The following NEDD9 variants were observed in gnomAD, a reference collection of about 807,000 sequenced individuals.
NEDD9 encodes the protein enhancer of filamentation 1.
A neutral mutation model predicts 76.6 loss-of-function variants in NEDD9; 26 were observed. The observed-to-expected ratio is 0.34, with a 90% CI of 0.25 to 0.47. The LOEUF (loss-of-function observed/expected upper bound fraction) is 0.47, where lower values mean the gene tolerates loss of function less well. NEDD9 is among the 20% of genes least tolerant of loss of function. The pLI, the probability that NEDD9 is intolerant of heterozygous loss-of-function variation, is 1.00. For missense variants in NEDD9, 937 were observed against 1,058.5 expected (o/e 0.89, Z 1.59); for synonymous variants, 392 against 414.2 (o/e 0.95, Z 0.65).
At chr6:11,230,611 G>A (rs1759440034) in intron 1 of NEDD9, among the ~76,000 whole-genome samples, 1 of 152,144 alleles carries the variant, frequency 6.6e-6, no homozygotes, top group Non-Finnish European at 1.5e-5. Context: ...TATAAAAAAG[G>A]AAAGTGGATT....
chr6:11,331,815 G>C (rs78483092), intron 2 of NEDD9, among the ~76,000 whole-genome samples: 1 of 152,176 alleles, frequency 6.6e-6, no homozygotes, highest in African/African-American at 2.4e-5. Context: ...CAGCTTTTAC[G>C]GGTTGGTGCT....
chr6:11,374,062 C>A (rs139731951), intron 1 of NEDD9, among the ~76,000 whole-genome samples: 2,287 of 151,458 alleles, frequency 0.015, 53 homozygotes, highest in Admixed American at 0.064. Context: ...CTCTCTCTCT[C>A]TCTCTATATA....
chr6:11,375,545 A>G (rs1366667269), intron 1 of NEDD9, among the ~76,000 whole-genome samples: 1 of 152,182 alleles, frequency 6.6e-6, no homozygotes, highest in Non-Finnish European at 1.5e-5. Context: ...GGGGCCTAGT[A>G]GGAGGTATTG....
intron 5 of NEDD9, 128 bp downstream of exon 5, chr6:11,189,836 G>T: frequency 8.2e-7 from 1 of 1,212,968 alleles, no homozygotes; most frequent in Non-Finnish European, 1.1e-6. Flanking sequence ...TCCAATTTGT[G>T]AACCATGTAG....
In NEDD9 at chr6:11,183,984, A is replaced by C. The variant is rs1049022011; in HGVS notation, c.*1178T>G. On this transcript the variant is annotated 3_prime_UTR_variant, in exon 7 of 7. Coordinates refer to ENST00000379446, the MANE Select transcript of NEDD9 (RefSeq NM_006403.4). ...AGACTATGGAATGGACGCTGTGACT[A>C]TCTGTGAGATAGTGGAAGGGGTTAT... 1 of 152,244 alleles carries C rather than the reference A, an allele frequency of 6.6e-6. No homozygotes were observed. The highest frequency in any genetic ancestry group is 1.5e-5 in the Non-Finnish European group (1 of 68,042). The allele number at this position is 152,244 out of a possible 1,614,324, so 9.4% of individuals were successfully genotyped here.
intron 3 of NEDD9, among the ~76,000 whole-genome samples, chr6:11,260,544 T>A (rs151315957): frequency 6.6e-6 from 1 of 152,216 alleles, no homozygotes; most frequent in African/African-American, 2.4e-5. Context: ...CATGAAATGA[T>A]GAAGATCACA....
chr6:11,188,906 A>G (rs1333988283), intron 5 of NEDD9, among the ~76,000 whole-genome samples: 2 of 152,086 alleles, frequency 1.3e-5, no homozygotes, highest in Non-Finnish European at 2.9e-5. Context: ...GAATGGCAGA[A>G]TAAGATAGTA....
At position 11,237,765 on chromosome 6, in the gene NEDD9, C is replaced by T. The variant is rs1235932623; in HGVS notation, c.13-24038G>A. Among the ~76,000 whole-genome samples the T allele has an allele frequency of 6.6e-6, 1 of 152,126 alleles. No homozygotes were observed. Among genetic ancestry groups the T allele is most frequent in the Non-Finnish European group, 1.5e-5 (1 of 68,036 alleles). Reference sequence around the variant, plus strand: ...AAGAAAAAGTATTATTTGGTTGTCTCTAGAAGTTTGCCGACCCACACTCTA... The same window carrying T: ...AAGAAAAAGTATTATTTGGTTGTCTTTAGAAGTTTGCCGACCCACACTCTA... On this transcript the variant is annotated intron_variant, in intron 3 of 3. Transcript: ENST00000397378. The surrounding 1 kb of genome is among the most constrained non-coding windows in gnomAD (Gnocchi z 4.9).
intron 1 of NEDD9, among the ~76,000 whole-genome samples, chr6:11,220,963 A>G (rs1283979045): frequency 6.6e-6 from 1 of 152,226 alleles, no homozygotes; most frequent in Non-Finnish European, 1.5e-5. Flanking sequence ...ATATGTGTGT[A>G]TACGTGCAAT....
At chr6:11,377,918 G>A (rs1489574291) in intron 1 of NEDD9, among the ~76,000 whole-genome samples, 1 of 152,164 alleles carries the variant, frequency 6.6e-6, no homozygotes, top group Non-Finnish European at 1.5e-5. Flanking sequence ...CTGGTGATGA[G>A]TGAGTTCTTC....
chr6:11,287,064 T>C (rs535307291), intron 3 of NEDD9, among the ~76,000 whole-genome samples: 66 of 152,316 alleles, frequency 4.3e-4, no homozygotes, highest in Non-Finnish European at 6.8e-4. Context: ...AATTACAGAT[T>C]AAAATAATTT....
chr6:11,343,986 T>C (rs1370320663), intron 1 of NEDD9, among the ~76,000 whole-genome samples: 2 of 152,212 alleles, frequency 1.3e-5, no homozygotes, highest in African/African-American at 4.8e-5. Context: ...CATTGGAAGA[T>C]AGGACTGTTT....
chr6:11,306,702 T>C (rs1402888918), intron 2 of NEDD9, among the ~76,000 whole-genome samples: 1 of 152,224 alleles, frequency 6.6e-6, no homozygotes. Flanking sequence ...AGCCACAAGA[T>C]GTGCCTGACT....
At chr6:11,278,053 G>A (rs545779917) in intron 3 of NEDD9, among the ~76,000 whole-genome samples, 27 of 152,210 alleles carry the variant, frequency 1.8e-4, no homozygotes, top group South Asian at 1.2e-3. Context: ...AATGGGAGTC[G>A]GGTGCTTCCT....
At chr6:11,381,584 G>A (rs1014523788) in intron 1 of NEDD9, among the ~76,000 whole-genome samples, 2 of 152,176 alleles carry the variant, frequency 1.3e-5, no homozygotes, top group African/African-American at 4.8e-5. Context: ...GCTCACTATG[G>A]ACAGGGAGAA....
rs1367181189 is a variant in NEDD9 at position 11,184,467 on chromosome 6, A to T, written c.*695T>A. 3.3e-5 allele frequency: 5 copies of T among 152,076 alleles called. No homozygotes were observed. Among genetic ancestry groups the T allele is most frequent in the African/African-American group, 7.3e-5 (3 of 41,362 alleles). The allele number at this position is 152,076 out of a possible 1,614,324, so 9.4% of individuals were successfully genotyped here. On this transcript the variant is annotated 3_prime_UTR_variant, in exon 7 of 7. Coordinates refer to ENST00000379446, the MANE Select transcript of NEDD9 (RefSeq NM_006403.4). ...TGTCTCTCAGTATTGAAACAACCCAATCCTAACTGTGGTCCTGGCCTCTAA... is the reference window on the plus strand; with the variant it reads ...TGTCTCTCAGTATTGAAACAACCCATTCCTAACTGTGGTCCTGGCCTCTAA...
chr6:11,218,904 CA>C (rs1759055371), intron 1 of NEDD9, among the ~76,000 whole-genome samples: 1 of 152,158 alleles, frequency 6.6e-6, no homozygotes, highest in South Asian at 2.1e-4. Context: ...CTAGTGTTCG[CA>C]ACTACGGAGC....
At chr6:11,237,108 C>G (rs1759619055), upstream of NEDD9, among the ~76,000 whole-genome samples, 3 of 152,164 alleles carry the variant, frequency 2.0e-5, no homozygotes, top group Admixed American at 2.0e-4. The surrounding 1 kb of genome is among the most constrained non-coding windows in gnomAD (Gnocchi z 4.9). Flanking sequence ...CAACCCCCAC[C>G]CTGCCCACCT....
intron 3 of NEDD9, among the ~76,000 whole-genome samples, chr6:11,267,029 CAA>C (rs1263749212): frequency 1.3e-5 from 2 of 152,152 alleles, no homozygotes; most frequent in Non-Finnish European, 2.9e-5. Context: ...GCTTTTAGCC[CAA>C]GAGTTTTTAT....
Sources: gnomAD v4.1 joint callset for allele counts (sites outside exome capture counted in the v4.1 genomes callset) on GRCh38, gnomAD v4.1.1 for gene constraint, Gnocchi (gnomAD v3.1) non-coding constraint, MANE v1.5 for transcripts, NCBI Gene and HGNC (gene_info 2026-07-23, HGNC 2026-07-21) for gene names.